Variants in NXPH1 observed in about 807,000 individuals in gnomAD.
The protein encoded by NXPH1 is neurexophilin-1.
In NXPH1, 5 loss-of-function variants were observed where a neutral mutation model predicts 23.7. That is an observed-to-expected ratio of 0.21 (90% confidence interval 0.11 to 0.44). The LOEUF is 0.44. Among genes scored for constraint, NXPH1 ranks in the 20% least tolerant of loss-of-function variants. NXPH1 has a pLI of 0.99. For synonymous variants in NXPH1, 144 were observed against 122.2 expected (o/e 1.18, Z -1.18); for missense variants, 324 against 321.6 (o/e 1.01, Z -0.06).
intron 2 of NXPH1, among the ~76,000 whole-genome samples, chr7:8,599,663 G>T (rs10239800): frequency 6.6e-6 from 1 of 151,960 alleles, no homozygotes; most frequent in African/African-American, 2.4e-5. Context: ...ACTTCAATTT[G>T]TACTATTGTT....
chr7:8,473,914 A>G (rs747917854), intron 2 of NXPH1, among the ~76,000 whole-genome samples: 10 of 152,102 alleles, frequency 6.6e-5, no homozygotes, highest in South Asian at 4.1e-4. Context: ...CTCAGATTTC[A>G]TTTTCCACTT....
chr7:8,640,530 A>C (rs1300301591), intron 2 of NXPH1, among the ~76,000 whole-genome samples: 1 of 152,112 alleles, frequency 6.6e-6, no homozygotes, highest in Non-Finnish European at 1.5e-5. Flanking sequence ...TTAAATAAGT[A>C]ACATAATCTT....
intron 2 of NXPH1, among the ~76,000 whole-genome samples, chr7:8,597,992 A>G (rs1213802887): frequency 6.8e-6 from 1 of 147,274 alleles, no homozygotes; most frequent in Non-Finnish European, 1.5e-5. Context: ...TGATATGAAA[A>G]CCTCCAGCTC....
intron 2 of NXPH1, among the ~76,000 whole-genome samples, chr7:8,742,069 A>G (rs568288931): frequency 6.6e-6 from 1 of 152,302 alleles, no homozygotes; most frequent in African/African-American, 2.4e-5. Flanking sequence ...GCACCACGTA[A>G]TCTACCTTGT....
intron 2 of NXPH1, among the ~76,000 whole-genome samples, chr7:8,661,246 T>C (rs971411317): frequency 4.6e-5 from 7 of 152,198 alleles, no homozygotes; most frequent in African/African-American, 1.4e-4. Flanking sequence ...AAAATGATAT[T>C]GTTGGAGAAC....
chr7:8,611,270 T>G (rs1347697083), intron 2 of NXPH1, among the ~76,000 whole-genome samples: 1 of 152,150 alleles, frequency 6.6e-6, no homozygotes, highest in Non-Finnish European at 1.5e-5. Flanking sequence ...AAATGTTCCC[T>G]TACCCCCAAG....
intron 2 of NXPH1, among the ~76,000 whole-genome samples, chr7:8,449,933 T>C (rs991334569): frequency 6.6e-6 from 1 of 152,216 alleles, no homozygotes; most frequent in Non-Finnish European, 1.5e-5. Flanking sequence ...TTGATATTGA[T>C]GATTGTGACT....
intron 2 of NXPH1, among the ~76,000 whole-genome samples, chr7:8,680,264 T>G (rs75637452): frequency 0.019 from 2,885 of 152,304 alleles, 95 homozygotes; most frequent in African/African-American, 0.066. Context: ...TGGTAAGAGT[T>G]TGCTGGTGGT....
chr7:8,652,192 T>G (rs1355608768), intron 2 of NXPH1, among the ~76,000 whole-genome samples: 1 of 152,144 alleles, frequency 6.6e-6, no homozygotes, highest in East Asian at 1.9e-4. Flanking sequence ...CAACAAACAA[T>G]GAATTATTAT....
intron 2 of NXPH1, among the ~76,000 whole-genome samples, chr7:8,493,180 T>C (rs1563326477): frequency 6.6e-6 from 1 of 151,948 alleles, no homozygotes. Flanking sequence ...AGGGTTATAT[T>C]ATGGGATTTT....
chr7:8,654,828 A>G (rs1294826228), intron 2 of NXPH1, among the ~76,000 whole-genome samples: 1 of 152,176 alleles, frequency 6.6e-6, no homozygotes, highest in African/African-American at 2.4e-5. Context: ...TTAGGTGGGC[A>G]CAGAAGAAAG....
chr7:8,715,481 G>A lies in NXPH1; in HGVS notation c.55-35527G>A, dbSNP rs542756323. ...TGCAGGGAGGACAATTGGGTGTCAGGAGGAGGCTTCTATTCGGCCATCTTG... is the reference window on the plus strand; with the variant it reads ...TGCAGGGAGGACAATTGGGTGTCAGAAGGAGGCTTCTATTCGGCCATCTTG... On this transcript the variant is annotated intron_variant, in intron 2 of 2. Transcript: ENST00000405863. Among the ~76,000 whole-genome samples, 5 of 152,258 alleles carry A rather than the reference G, an allele frequency of 3.3e-5. No individual in the cohort carries two copies. The South Asian group carries it at 1.0e-3, about 32-fold the overall frequency.
At position 8,434,242 on chromosome 7, in the gene NXPH1, C is replaced by T. The variant is rs1304532615; in HGVS notation, c.-624C>T. 6.5e-6 allele frequency: 1 copy of T among 152,938 alleles called. No homozygotes were observed. Among genetic ancestry groups the T allele is most frequent in the Non-Finnish European group, 1.5e-5 (1 of 68,258 alleles). 9.5% of individuals were successfully genotyped at this position (152,938 alleles called of 1,614,324 possible). On this transcript the variant is annotated 5_prime_UTR_variant, in exon 1 of 3. Coordinates refer to ENST00000405863, the MANE Select transcript of NXPH1 (RefSeq NM_152745.3). The surrounding 1 kb of genome is among the most constrained non-coding windows in gnomAD (Gnocchi z 7.6). ...TCTGCCGTGTGGTTCTCTTTTCTTC[C>T]GAAAGGCCAGTGTCTTATCTCTCCA...
chr7:8,544,285 T>C (rs947762540), intron 2 of NXPH1, among the ~76,000 whole-genome samples: 14 of 151,620 alleles, frequency 9.2e-5, no homozygotes, highest in African/African-American at 2.9e-4. Flanking sequence ...TCTTGTACAT[T>C]GTAGAAATTT....
At chr7:8,566,493 T>G (rs4333500) in intron 2 of NXPH1, among the ~76,000 whole-genome samples, 91,596 of 151,440 alleles carry the variant, frequency 0.6, 27,825 homozygotes, top group Middle Eastern at 0.69. Context: ...TACCTTAAAG[T>G]TGGGTAGGTA....
intron 2 of NXPH1, among the ~76,000 whole-genome samples, chr7:8,574,861 C>G (rs1818722711): frequency 6.6e-6 from 1 of 152,078 alleles, no homozygotes; most frequent in Non-Finnish European, 1.5e-5. Flanking sequence ...TGAGCATTAA[C>G]TTTTACTTGA....
intron 2 of NXPH1, among the ~76,000 whole-genome samples, chr7:8,590,574 C>A (rs1374680632): frequency 6.6e-6 from 1 of 152,078 alleles, no homozygotes; most frequent in Non-Finnish European, 1.5e-5. Context: ...AAAGCCATCT[C>A]ATTTTTGCAT....
chr7:8,673,528 T>C (rs1820900837), intron 2 of NXPH1, among the ~76,000 whole-genome samples: 1 of 152,188 alleles, frequency 6.6e-6, no homozygotes, highest in Non-Finnish European at 1.5e-5. Context: ...TAGAGTTAAG[T>C]GCAGTGCTGG....
chr7:8,654,343 G>A (rs1385512930), intron 2 of NXPH1, among the ~76,000 whole-genome samples: 2 of 152,094 alleles, frequency 1.3e-5, no homozygotes, highest in African/African-American at 4.8e-5. Flanking sequence ...GAGAGTGAGG[G>A]GCGAATATGT....
Sources: allele counts gnomAD v4.1 joint callset (sites outside exome capture counted in the v4.1 genomes callset), GRCh38; gene constraint gnomAD v4.1.1; non-coding constraint Gnocchi (gnomAD v3.1); transcripts MANE v1.5; gene names NCBI Gene and HGNC (gene_info 2026-07-23, HGNC 2026-07-21).